The following PLEKHG7 variants were observed in gnomAD, a reference collection of about 807,000 sequenced individuals.
PLEKHG7 encodes the protein pleckstrin homology domain-containing family G member 7.
PLEKHG7 carries 77 observed loss-of-function variants against 85.2 expected under a neutral mutation model. The ratio of observed to expected loss-of-function variants is 0.90; its 90% CI spans 0.75 to 1.09. PLEKHG7 has a LOEUF of 1.09. Ranked by LOEUF, PLEKHG7 falls within the 50% of genes least tolerant of loss-of-function variation. The pLI is 0.00. For missense variants in PLEKHG7, 777 were observed against 804.3 expected (o/e 0.97, Z 0.41); for synonymous variants, 301 against 302.4 (o/e 1.00, Z 0.05).
chr12:92,769,035 G>C lies in PLEKHG7; in HGVS notation c.1923G>C (p.Gln641His). The part of the protein sequence containing the change: ...FLIQHENRYR[Q>H]CIAAFLLQAQ... The stretch of plus-strand genomic sequence containing the variant: ...TACAACACGAAAACAGATATCGACA[G>C]TGTATAGCAGCATTCTTATTACAAG... Residue 641 changes from glutamine to histidine, a missense_variant, in exon 16 of 17, where the codon CAG (glutamine) becomes CAC (histidine). Around this residue, in one of 3 missense-constraint regions of PLEKHG7, gnomAD observed 520 missense variants for 544.0 expected, o/e 0.96. Coordinates refer to ENST00000344636, the MANE Select transcript of PLEKHG7 (RefSeq NM_001377329.1). 1.2e-6 allele frequency: 2 copies of C among 1,604,282 alleles called. No individual in the cohort carries two copies. The highest frequency in any genetic ancestry group is 1.7e-6 in the Non-Finnish European group (2 of 1,172,520).
Position 92,737,519 on chromosome 12 carries a change from A to G in PLEKHG7, c.937A>G (p.Met313Val). The G allele has an allele frequency of 1.2e-6, 2 of 1,608,070 alleles. No homozygotes were observed. The highest frequency in any genetic ancestry group is 1.7e-6 in the Non-Finnish European group (2 of 1,178,700). The change falls in exon 7 of 17, where the codon ATG becomes GTG. Residue 313 changes from methionine (M) to valine (V), a missense_variant and splice_region_variant. Met to Val is a conservative substitution (Grantham distance 21). Around this residue, in one of 3 missense-constraint regions of PLEKHG7, gnomAD observed 520 missense variants for 544.0 expected, o/e 0.96. Coordinates refer to ENST00000344636, the MANE Select transcript of PLEKHG7 (RefSeq NM_001377329.1). ...TTTGGACCATTTATTAGTTCTTAAGATGGTAATGCCAGGCTTAATTTTTGT... is the reference window on the plus strand; with the variant it reads ...TTTGGACCATTTATTAGTTCTTAAGGTGGTAATGCCAGGCTTAATTTTTGT... ...YFLDHLLVLK[M>V]IFMNTLRYLQ...
At chr12:92,761,176 G>A (rs769219481) in intron 13 of PLEKHG7, among the ~76,000 whole-genome samples, 2 of 152,184 alleles carry the variant, frequency 1.3e-5, no homozygotes, top group East Asian at 1.9e-4. Flanking sequence ...TGAAATTTGA[G>A]TGACACAATA....
At chr12:92,745,934 G>T (rs532467807) in intron 10 of PLEKHG7, among the ~76,000 whole-genome samples, 2 of 152,216 alleles carry the variant, frequency 1.3e-5, no homozygotes, top group Admixed American at 6.5e-5. Flanking sequence ...TGACTTAGAA[G>T]TTTGGCTCTT....
intron 3 of PLEKHG7, among the ~76,000 whole-genome samples, chr12:92,726,733 C>G (rs576389077): frequency 1.3e-5 from 2 of 152,030 alleles, no homozygotes; most frequent in Non-Finnish European, 1.5e-5. Context: ...CCTACAGACA[C>G]ATTTCATGAA....
At chr12:92,757,981 G>T (rs1872882172) in intron 13 of PLEKHG7, among the ~76,000 whole-genome samples, 1 of 152,216 alleles carries the variant, frequency 6.6e-6, no homozygotes, top group Non-Finnish European at 1.5e-5. Context: ...AAGACTCGGG[G>T]CCTGTCTGTT....
intron 3 of PLEKHG7, among the ~76,000 whole-genome samples, chr12:92,716,111 T>G (rs142988544): frequency 2.1e-3 from 304 of 147,494 alleles, no homozygotes; most frequent in East Asian, 6.9e-3. Context: ...GTTTTGTTTT[T>G]TTTGAGACAG....
chr12:92,740,799 A>G (rs1353691791), intron 7 of PLEKHG7, 54 bp from the exon 8 acceptor site: 1 of 1,209,108 alleles, frequency 8.3e-7, no homozygotes, highest in Non-Finnish European at 1.2e-6. Context: ...TGCAAAAGGC[A>G]TGTTGCAAAA....
intron 3 of PLEKHG7, among the ~76,000 whole-genome samples, chr12:92,725,921 C>T (rs1417465657): frequency 2.6e-5 from 4 of 152,126 alleles, no homozygotes; most frequent in Non-Finnish European, 5.9e-5. Context: ...AATACAGATA[C>T]AGAAGCCCAC....
At chr12:92,752,145 A>T (rs12298131) in intron 10 of PLEKHG7, among the ~76,000 whole-genome samples, 228 of 152,182 alleles carry the variant, frequency 1.5e-3, no homozygotes, top group African/African-American at 5.4e-3. Context: ...CTAGGAGATA[A>T]AAGGGGAGGG....
chr12:92,750,964 A>AT (rs1872676560), intron 10 of PLEKHG7, among the ~76,000 whole-genome samples: 1 of 151,268 alleles, frequency 6.6e-6, no homozygotes, highest in Non-Finnish European at 1.5e-5. Flanking sequence ...AAATAAATAA[A>AT]AATAAAACAG....
chr12:92,749,520 G>C (rs182042283), intron 10 of PLEKHG7: 2 of 152,212 alleles, frequency 1.3e-5, no homozygotes, highest in African/African-American at 4.8e-5. Flanking sequence ...AAACTCCTAA[G>C]TTCAAGCAAT....
intron 3 of PLEKHG7, among the ~76,000 whole-genome samples, chr12:92,720,568 C>T (rs765569478): frequency 2.6e-5 from 4 of 152,110 alleles, no homozygotes; most frequent in South Asian, 2.1e-4. Context: ...TCAGGTGATC[C>T]GCCCACCTTG....
At position 92,736,476 on chromosome 12, in the gene PLEKHG7, G is replaced by T; in HGVS notation, c.700-6G>T. 4.1e-6 allele frequency: 5 copies of T among 1,230,204 alleles called. No homozygotes were observed. The South Asian group carries it at 1.6e-4, about 41-fold the overall frequency. The allele number at this position is 1,230,204 out of a possible 1,614,324, so 76.2% of individuals were successfully genotyped here. ...GAAAATCCTGTTTCTAACCATCTTC[G>T]AGCAGGGCAAAGACAAACACAAGCA... On this transcript the variant is annotated splice_region_variant and splice_polypyrimidine_tract_variant and intron_variant, in intron 5 of 16. Transcript: ENST00000344636.
At chr12:92,764,995 CTGT>C (rs1381757174) in intron 15 of PLEKHG7, among the ~76,000 whole-genome samples, 4 of 152,124 alleles carry the variant, frequency 2.6e-5, no homozygotes, top group Admixed American at 2.6e-4. Context: ...GACTGACTTC[CTGT>C]CCCCATTGGA....
At chr12:92,769,103 T>A (rs1350354028) in intron 16 of PLEKHG7, 23 bp downstream of exon 16, 2 of 1,474,422 alleles carry the variant, frequency 1.4e-6, no homozygotes, top group Non-Finnish European at 1.9e-6. Context: ...ATTTTGTAGG[T>A]CTTTGATTCT....
At chr12:92,728,905 T>C (rs995213229) in intron 3 of PLEKHG7, 88 bp from the exon 4 acceptor site, 1 of 1,053,504 alleles carries the variant, frequency 9.5e-7, no homozygotes, top group African/African-American at 1.7e-5. Flanking sequence ...CGCCAACATC[T>C]GTTGTTTTTT....
intron 3 of PLEKHG7, among the ~76,000 whole-genome samples, chr12:92,721,818 G>T (rs1056812763): frequency 6.6e-6 from 1 of 151,360 alleles, no homozygotes; most frequent in East Asian, 1.9e-4. Context: ...GTGACAATGG[G>T]TTGCCAGCCA....
intron 3 of PLEKHG7, among the ~76,000 whole-genome samples, chr12:92,719,358 G>C (rs1871574094): frequency 6.6e-6 from 1 of 152,050 alleles, no homozygotes; most frequent in African/African-American, 2.4e-5. Flanking sequence ...TCTTGCATAG[G>C]GTAAAACATT....
At chr12:92,733,883 T>C (rs1329022718) in intron 5 of PLEKHG7, among the ~76,000 whole-genome samples, 3 of 152,182 alleles carry the variant, frequency 2.0e-5, no homozygotes. Context: ...GACAGATATC[T>C]AAGATGCCAA....
Sources: allele counts gnomAD v4.1 joint callset (sites outside exome capture counted in the v4.1 genomes callset), GRCh38; gene constraint gnomAD v4.1.1; regional missense constraint gnomAD v4.1.1; transcripts MANE v1.5; gene names NCBI Gene and HGNC (gene_info 2026-07-23, HGNC 2026-07-21).